KHDRBS2: variants seen among roughly 807,000 people sequenced by gnomAD.
The protein encoded by KHDRBS2 is KH domain-containing, RNA-binding, signal transduction-associated protein 2.
In KHDRBS2, 26 loss-of-function variants were observed where a neutral mutation model predicts 44.3. That is an observed-to-expected ratio of 0.59 (90% CI 0.43 to 0.81). The LOEUF (loss-of-function observed/expected upper bound fraction) is 0.81. Ranked by LOEUF, KHDRBS2 falls within the 40% of genes least tolerant of loss-of-function variation. KHDRBS2 has a pLI of 0.00. For synonymous variants in KHDRBS2, 194 were observed against 151.1 expected (o/e 1.28, Z -2.08); for missense variants, 476 against 433.1 (o/e 1.10, Z -0.88).
chr6:61,581,675 A>G, the KHDRBS2 span, among the ~76,000 whole-genome samples: 3,633 of 149,658 alleles, frequency 0.024, 68 homozygotes, highest in Middle Eastern at 0.082. Context: ...ATAGTATTAT[A>G]AGGAAAAATA....
At chr6:61,572,260 T>C in the KHDRBS2 span, among the ~76,000 whole-genome samples, 2 of 151,878 alleles carry the variant, frequency 1.3e-5, no homozygotes, top group African/African-American at 4.8e-5. Flanking sequence ...CTCTCCTAGA[T>C]TAAATAAGGA....
chr6:61,963,352 A>T lies in KHDRBS2; in HGVS notation c.483+14714T>A, dbSNP rs575178301. Among the ~76,000 whole-genome samples the T allele has an allele frequency of 5.9e-5, 9 of 152,208 alleles. No individual in the cohort carries two copies. In the East Asian group the frequency reaches 1.7e-3, roughly 29 times the overall value. ...GGAAATGCTACTGTTTTAAGAACTAACTCACTTTACAAAAGCTGAAATATT... is the reference window on the plus strand; with the variant it reads ...GGAAATGCTACTGTTTTAAGAACTATCTCACTTTACAAAAGCTGAAATATT... On this transcript the variant is annotated intron_variant, in intron 4 of 8. Transcript: ENST00000281156.
At chr6:61,643,239 A>AT in the KHDRBS2 span, among the ~76,000 whole-genome samples, 1 of 152,206 alleles carries the variant, frequency 6.6e-6, no homozygotes, top group Non-Finnish European at 1.5e-5. Context: ...GAGAAAGGAA[A>AT]TTTTTTATGA....
rs1466388197 is a variant in KHDRBS2, at chr6:61,938,986, C to CCT, written c.484-37617_484-37616dup. Reference sequence around the variant, plus strand: ...GTGGTTCTTCAGTGGAGGCTATTTGCCTCTTTAGAGATATTTATCATCATT... The same window carrying CCT: ...GTGGTTCTTCAGTGGAGGCTATTTGCCTCTCTTTAGAGATATTTATCATCATT... On this transcript the variant is annotated intron_variant, in intron 4 of 8. Coordinates refer to ENST00000281156, the MANE Select transcript of KHDRBS2 (RefSeq NM_152688.4). 2.0e-5 allele frequency among the ~76,000 whole-genome samples: 3 copies of CCT among 152,024 alleles called. No individual in the cohort carries two copies. The East Asian group carries it at 5.8e-4, about 29-fold the overall frequency.
At chr6:61,641,580 G>T in the KHDRBS2 span, among the ~76,000 whole-genome samples, 2 of 152,158 alleles carry the variant, frequency 1.3e-5, no homozygotes, top group South Asian at 2.1e-4. Flanking sequence ...CTCTTACTCT[G>T]TAAGAATCTA....
chr6:61,822,673 A>C (rs2127253360), intron 6 of KHDRBS2, among the ~76,000 whole-genome samples: 1 of 152,066 alleles, frequency 6.6e-6, no homozygotes, highest in South Asian at 2.1e-4. Context: ...CTCTCCAGCT[A>C]ACCTATTTCT....
the KHDRBS2 span, among the ~76,000 whole-genome samples, chr6:61,674,228 A>C: frequency 6.6e-6 from 1 of 151,764 alleles, no homozygotes; most frequent in Non-Finnish European, 1.5e-5. Context: ...TCAAAGTAAA[A>C]TGACTGACTT....
chr6:62,129,884 C>T (rs192260830), intron 2 of KHDRBS2, among the ~76,000 whole-genome samples: 1 of 152,142 alleles, frequency 6.6e-6, no homozygotes, highest in Admixed American at 6.6e-5. Context: ...TTGCAATTAT[C>T]ACCTGTAGGC....
chr6:61,848,545 A>ATATATATATG (rs1794911936), intron 6 of KHDRBS2, among the ~76,000 whole-genome samples: 1 of 52,082 alleles, frequency 1.9e-5, no homozygotes, highest in African/African-American at 1.9e-4. Context: ...ATATATGTAT[A>ATATATATATG]TATATACATA....
chr6:62,216,899 T>G (rs2150149308), intron 1 of KHDRBS2, among the ~76,000 whole-genome samples: 1 of 151,214 alleles, frequency 6.6e-6, no homozygotes, highest in African/African-American at 2.4e-5. Context: ...ATACTATTAT[T>G]AAAATCAGGG....
At chr6:61,643,133 TTA>T in the KHDRBS2 span, among the ~76,000 whole-genome samples, 1,048 of 145,262 alleles carry the variant, frequency 7.2e-3, 4 homozygotes, top group Middle Eastern at 0.017. Flanking sequence ...CTGTATATTT[TTA>T]TTTCCCTAGT....
chr6:61,740,107 G>A (rs1775933219), intron 6 of KHDRBS2, among the ~76,000 whole-genome samples: 1 of 151,896 alleles, frequency 6.6e-6, no homozygotes, highest in Non-Finnish European at 1.5e-5. Context: ...TATGTAACAG[G>A]TGCTATGGAA....
chr6:61,877,740 T>A (rs989096958), intron 6 of KHDRBS2, among the ~76,000 whole-genome samples: 2 of 151,942 alleles, frequency 1.3e-5, no homozygotes, highest in African/African-American at 4.8e-5. Context: ...ATTTAAAACA[T>A]CTCTTTAGAA....
rs538791363 is a variant in KHDRBS2, at chr6:61,956,222, C to T, written c.483+21844G>A. Among the ~76,000 whole-genome samples the T allele has an allele frequency of 8.6e-5, 13 of 152,042 alleles. No homozygotes were observed. In the East Asian group the frequency reaches 2.3e-3, roughly 27 times the overall value. ...AAAAACAAAAACAAAAAAACAGACA[C>T]TCTTTATGTTCAAAGCATAGCACAC... On this transcript the variant is annotated intron_variant, in intron 4 of 8. Coordinates refer to ENST00000281156, the MANE Select transcript of KHDRBS2 (RefSeq NM_152688.4).
At chr6:61,602,717 C>A in the KHDRBS2 span, among the ~76,000 whole-genome samples, 1 of 152,226 alleles carries the variant, frequency 6.6e-6, no homozygotes, top group Admixed American at 6.5e-5. Flanking sequence ...TTTTCAAGGG[C>A]CTGTTTCCTT....
At chr6:62,152,310 ACT>A (rs1483522394) in intron 2 of KHDRBS2, among the ~76,000 whole-genome samples, 8 of 152,066 alleles carry the variant, frequency 5.3e-5, no homozygotes, top group Non-Finnish European at 2.9e-5. Context: ...CAAGAGTGAA[ACT>A]CTGTCTCAAA....
At chr6:62,215,077 CAGGT>C (rs1325352561) in intron 1 of KHDRBS2, among the ~76,000 whole-genome samples, 1 of 151,840 alleles carries the variant, frequency 6.6e-6, no homozygotes, top group Non-Finnish European at 1.5e-5. Flanking sequence ...GTCTGTCTAA[CAGGT>C]AGCATACCTT....
At chr6:61,872,765 G>T (rs1335173519) in intron 6 of KHDRBS2, among the ~76,000 whole-genome samples, 7 of 122,460 alleles carry the variant, frequency 5.7e-5, no homozygotes, top group African/African-American at 1.8e-4. Context: ...AATGAACCAA[G>T]ACATGTTGTG....
chr6:61,572,218 G>A, the KHDRBS2 span, among the ~76,000 whole-genome samples: 4 of 152,010 alleles, frequency 2.6e-5, no homozygotes, highest in African/African-American at 9.7e-5. Flanking sequence ...AGAAAATCTA[G>A]AAGATGCAGA....
Sources: gnomAD v4.1 joint callset for allele counts (sites outside exome capture counted in the v4.1 genomes callset) on GRCh38, gnomAD v4.1.1 for gene constraint, MANE v1.5 for transcripts, NCBI Gene and HGNC (gene_info 2026-07-23, HGNC 2026-07-21) for gene names.